Variants in DGKB observed in about 807,000 individuals in gnomAD.
DGKB encodes diacylglycerol kinase beta.
DGKB carries 67 observed loss-of-function variants against 114.3 expected under a neutral mutation model. That is an observed-to-expected ratio of 0.59 (90% confidence interval 0.48 to 0.72). DGKB has a LOEUF of 0.72. DGKB is among the 30% of genes least tolerant of loss of function. DGKB has a pLI of 0.00. For synonymous variants in DGKB, 398 were observed against 323.1 expected (o/e 1.23, Z -2.49); for missense variants, 907 against 975.2 (o/e 0.93, Z 0.93).
chr7:14,801,871 T>TAC (rs748804375), intron 2 of DGKB, among the ~76,000 whole-genome samples: 2 of 151,720 alleles, frequency 1.3e-5, no homozygotes, highest in Non-Finnish European at 2.9e-5. Flanking sequence ...TGTATATATA[T>TAC]ACATATGTGT....
At chr7:14,226,816 C>G (rs914030013) in intron 23 of DGKB, among the ~76,000 whole-genome samples, 7 of 151,974 alleles carry the variant, frequency 4.6e-5, no homozygotes, top group African/African-American at 1.7e-4. Flanking sequence ...GGTTACTTTT[C>G]AAAATGAAGA....
chr7:14,316,837 A>G (rs1279125354), intron 23 of DGKB, among the ~76,000 whole-genome samples: 2 of 148,612 alleles, frequency 1.3e-5, no homozygotes, highest in South Asian at 4.4e-4. Context: ...ACCAAAAAAG[A>G]GAATTTTAGA....
chr7:14,214,427 G>T (rs1337865920), intron 23 of DGKB, among the ~76,000 whole-genome samples: 1 of 151,960 alleles, frequency 6.6e-6, no homozygotes, highest in Non-Finnish European at 1.5e-5. Context: ...TAGGAAATAA[G>T]GAGAAAAAAT....
At chr7:14,747,808 C>CA (rs1273491929) in intron 4 of DGKB, among the ~76,000 whole-genome samples, 1 of 151,944 alleles carries the variant, frequency 6.6e-6, no homozygotes, top group Admixed American at 6.6e-5. Flanking sequence ...CACAAATGTT[C>CA]AAAATTTTAA....
intron 18 of DGKB, 115 bp from the exon 19 acceptor site, chr7:14,581,066 C>A: frequency 1.8e-6 from 1 of 557,444 alleles, no homozygotes. Context: ...TACTCATAAA[C>A]AAAACATAAT....
chr7:14,672,812 A>C (rs1251601239), intron 13 of DGKB, 117 bp downstream of exon 13: 1 of 528,504 alleles, frequency 1.9e-6, no homozygotes, highest in Non-Finnish European at 3.4e-6. Flanking sequence ...CGTATTTTAG[A>C]TCTATATACT....
chr7:14,692,308 C>T (rs1823011670), intron 9 of DGKB, among the ~76,000 whole-genome samples: 1 of 152,046 alleles, frequency 6.6e-6, no homozygotes, highest in African/African-American at 2.4e-5. Context: ...ATCTTCCCTC[C>T]TTCTCTCATC....
At chr7:14,212,756 A>G (rs1788327552) in intron 23 of DGKB, among the ~76,000 whole-genome samples, 1 of 152,010 alleles carries the variant, frequency 6.6e-6, no homozygotes, top group South Asian at 2.1e-4. Context: ...TTGCCACCAA[A>G]ATACTTTTTT....
chr7:14,254,650 T>C (rs1339356476), intron 23 of DGKB, among the ~76,000 whole-genome samples: 3 of 152,182 alleles, frequency 2.0e-5, no homozygotes, highest in Non-Finnish European at 4.4e-5. Flanking sequence ...TATACATACA[T>C]AGAGTACTTT....
chr7:14,479,710 A>C (rs1271138801), intron 20 of DGKB, among the ~76,000 whole-genome samples: 1 of 152,104 alleles, frequency 6.6e-6, no homozygotes, highest in Admixed American at 6.6e-5. Flanking sequence ...TATACTTTAT[A>C]ATATGAAGTT....
At chr7:14,355,146 C>T (rs1814199938) in intron 21 of DGKB, among the ~76,000 whole-genome samples, 1 of 152,006 alleles carries the variant, frequency 6.6e-6, no homozygotes, top group Non-Finnish European at 1.5e-5. Context: ...TCCCTCTCTC[C>T]CCCTCCCTCC....
intron 25 of DGKB, among the ~76,000 whole-genome samples, chr7:14,161,129 G>C (rs1783814906): frequency 6.6e-6 from 1 of 152,218 alleles, no homozygotes; most frequent in South Asian, 2.1e-4. Flanking sequence ...TCTCACGCCA[G>C]TTAGAATGGC....
chr7:14,566,737 C>T (rs1797440311), intron 20 of DGKB, among the ~76,000 whole-genome samples: 2 of 152,120 alleles, frequency 1.3e-5, no homozygotes, highest in South Asian at 4.1e-4. Flanking sequence ...GCTCCAGGCA[C>T]ATTGACCTAG....
intron 23 of DGKB, among the ~76,000 whole-genome samples, chr7:14,199,425 G>C (rs976713469): frequency 3.9e-5 from 6 of 151,966 alleles, no homozygotes; most frequent in African/African-American, 1.2e-4. Flanking sequence ...ATGTAATTAG[G>C]CTGGACACCT....
chr7:14,532,071 A>G (rs1011516652), intron 20 of DGKB, among the ~76,000 whole-genome samples: 1 of 151,424 alleles, frequency 6.6e-6, no homozygotes, highest in East Asian at 1.9e-4. Flanking sequence ...AACTATATCC[A>G]TATCGTTCTC....
At chr7:14,202,280 A>G (rs1786017842) in intron 23 of DGKB, among the ~76,000 whole-genome samples, 1 of 152,012 alleles carries the variant, frequency 6.6e-6, no homozygotes, top group Admixed American at 6.6e-5. Flanking sequence ...GAAAGAAGTC[A>G]GAGAAGATGA....
chr7:14,256,999 C>T (rs1169511020), intron 23 of DGKB, among the ~76,000 whole-genome samples: 1 of 151,964 alleles, frequency 6.6e-6, no homozygotes, highest in Non-Finnish European at 1.5e-5. Context: ...GATCCTATCT[C>T]TAAAAACAAA....
At chr7:14,968,433 T>C (rs967898336) in intron 1 of DGKB, among the ~76,000 whole-genome samples, 1 of 152,268 alleles carries the variant, frequency 6.6e-6, no homozygotes. Context: ...GGAATCAAAA[T>C]TGTAAGATTT....
chr7:14,763,008 C>T (rs895339584), intron 2 of DGKB, among the ~76,000 whole-genome samples: 2 of 152,110 alleles, frequency 1.3e-5, no homozygotes, highest in Non-Finnish European at 2.9e-5. Context: ...AACTCCTCCT[C>T]TTGGCACCAT....
Sources: allele counts gnomAD v4.1 joint callset (sites outside exome capture counted in the v4.1 genomes callset), GRCh38; gene constraint gnomAD v4.1.1; transcripts MANE v1.5; gene names NCBI Gene and HGNC (gene_info 2026-07-23, HGNC 2026-07-21).